The following MKLN1 variants were observed in gnomAD, a reference collection of about 807,000 sequenced individuals.
MKLN1 encodes the protein muskelin 1.
In MKLN1, 18 loss-of-function variants were observed where a neutral mutation model predicts 99.0. That is an observed-to-expected ratio of 0.18 (90% CI 0.13 to 0.27). The LOEUF (loss-of-function observed/expected upper bound fraction) is 0.27, where lower values mean the gene tolerates loss of function less well. Ranked by LOEUF, MKLN1 falls within the 10% of genes least tolerant of loss-of-function variation. The probability of loss-of-function intolerance (pLI) is 1.00; values close to 1 mark genes in which losing one functional copy is unlikely to be tolerated. For synonymous variants in MKLN1, 288 were observed against 293.2 expected (o/e 0.98, Z 0.18); for missense variants, 621 against 875.9 (o/e 0.71, Z 3.67).
Position 131,495,051 on chromosome 7 carries a change from C to G in MKLN1, c.*7323C>G, listed in dbSNP as rs1797521354. ...AGTACAGGAAAGCGAAGATGAGGAC[C>G]TCCTTTTCTTGTGTTGGTCTTGGGA... On this transcript the variant is annotated 3_prime_UTR_variant, in exon 18 of 18. Transcript: ENST00000352689. The G allele has an allele frequency of 6.6e-6, 1 of 152,142 alleles. No homozygotes were observed. The highest frequency in any genetic ancestry group is 1.5e-5 in the Non-Finnish European group (1 of 68,022). 9.4% of individuals were successfully genotyped at this position (152,142 alleles called of 1,614,324 possible). A position where few individuals can be genotyped will look rare whatever the true frequency, so the allele number is the denominator to read the frequency against.
chr7:131,403,800 CT>C (rs1268846942), intron 6 of MKLN1, among the ~76,000 whole-genome samples: 2 of 152,178 alleles, frequency 1.3e-5, no homozygotes, highest in East Asian at 3.9e-4. Context: ...TCAAAGATCA[CT>C]GATCATAGGT....
chr7:131,162,000 T>TAG lies in MKLN1; in HGVS notation c.-297+19059_-297+19060insAG, dbSNP rs1491177471. On this transcript the variant is annotated intron_variant, in intron 2 of 7. Coordinates refer to the MKLN1 transcript ENST00000416992. ...ATATATATATATATATATATATATA[T>TAG]GTAACAGAGTGATATACAAATATAT... is the stretch of plus-strand genomic sequence containing the variant. Among the ~76,000 whole-genome samples the TAG allele has an allele frequency of 2.0e-3, 254 of 126,948 alleles. 2 individuals carry two copies. The highest frequency in any genetic ancestry group is 0.012 in the South Asian group (48 of 4,070). 83.3% of individuals were successfully genotyped at this position (126,948 alleles called of 152,430 possible). A position where few individuals can be genotyped will look rare whatever the true frequency, so the allele number is the denominator to read the frequency against.
At chr7:131,150,008 T>C (rs1387333077) in intron 2 of MKLN1, among the ~76,000 whole-genome samples, 1 of 152,194 alleles carries the variant, frequency 6.6e-6, no homozygotes, top group African/African-American at 2.4e-5. Flanking sequence ...CTCCTTTAAG[T>C]TGGTTTCTGC....
chr7:131,252,300 G>A (rs1442301959), intron 3 of MKLN1, among the ~76,000 whole-genome samples: 2 of 151,048 alleles, frequency 1.3e-5, no homozygotes, highest in Non-Finnish European at 2.9e-5. Flanking sequence ...ATTGTTTTGG[G>A]GATCATAGTG....
intron 1 of MKLN1, among the ~76,000 whole-genome samples, chr7:131,136,812 T>C (rs1314741537): frequency 6.6e-6 from 1 of 152,216 alleles, no homozygotes; most frequent in African/African-American, 2.4e-5. Context: ...CGTCCTGGCA[T>C]GCTTAGCTCT....
rs1364449357 is a variant in MKLN1, at chr7:131,273,091, GAAGTT to G, written c.-179+70122_-179+70126del. On this transcript the variant is annotated intron_variant, in intron 3 of 7. Transcript: ENST00000416992. ...ACAAGTGAGGAGAGTGAGTCCCAGA[GAAGTT>G]AAGTACCTTTGCCAAGATCACCCAG... Among the ~76,000 whole-genome samples the G allele has an allele frequency of 2.0e-5, 3 of 152,240 alleles. No individual in the cohort carries two copies. The East Asian group carries it at 5.8e-4, about 29-fold the overall frequency.
rs75911059 is a variant in MKLN1 at position 131,240,872 on chromosome 7, G to A, written c.-179+37898G>A. The stretch of plus-strand genomic sequence containing the variant: ...ATGATTCAAAAATAGACACAGAAAT[G>A]TGTATATACCTTACAGACCTGGTGA... On this transcript the variant is annotated intron_variant, in intron 3 of 7. Transcript: ENST00000416992. Among the ~76,000 whole-genome samples, 778 of 152,312 alleles carry A rather than the reference G, an allele frequency of 5.1e-3. 7 individuals carry two copies. Among genetic ancestry groups the A allele is most frequent in the African/African-American group, 0.018 (735 of 41,582 alleles).
chr7:131,125,404 G>A (rs1484647738), intron 1 of MKLN1, among the ~76,000 whole-genome samples: 1 of 152,176 alleles, frequency 6.6e-6, no homozygotes, highest in East Asian at 1.9e-4. Context: ...GCCAAAGAAG[G>A]CAATTCTGCA....
At chr7:131,366,086 A>T (rs1366037797) in intron 1 of MKLN1, among the ~76,000 whole-genome samples, 3 of 152,204 alleles carry the variant, frequency 2.0e-5, no homozygotes, top group Non-Finnish European at 4.4e-5. Context: ...CCCTGATTAC[A>T]GCTGAAAGAA....
intron 3 of MKLN1, among the ~76,000 whole-genome samples, chr7:131,265,321 C>T (rs900288589): frequency 6.6e-6 from 1 of 152,218 alleles, no homozygotes; most frequent in African/African-American, 2.4e-5. Context: ...CAAGGCCAAA[C>T]AGTATAGTCA....
chr7:131,267,594 G>A (rs1479908302), intron 3 of MKLN1, among the ~76,000 whole-genome samples: 2 of 152,188 alleles, frequency 1.3e-5, no homozygotes, highest in African/African-American at 4.8e-5. Context: ...TCTTTAGAGA[G>A]TTGACCAGTA....
rs1057385541 is a variant in MKLN1, at chr7:131,274,925, T to C, written c.-179+71951T>C. 2.0e-5 allele frequency among the ~76,000 whole-genome samples: 3 copies of C among 152,230 alleles called. No individual in the cohort carries two copies. The East Asian group carries it at 5.8e-4, about 29-fold the overall frequency. On this transcript the variant is annotated intron_variant, in intron 3 of 7. Transcript: ENST00000416992. ...CTGAGACACACAGTTGTCTTTTAAA[T>C]TATTTCCCTTCTTGGCCTCTGAGAA...
At chr7:131,418,956 T>C (rs1795107870) in intron 8 of MKLN1, among the ~76,000 whole-genome samples, 1 of 152,134 alleles carries the variant, frequency 6.6e-6, no homozygotes, top group African/African-American at 2.4e-5. Context: ...TGTGACTGGG[T>C]AATCCAGGAC....
At position 131,489,128 on chromosome 7, in the gene MKLN1, G is replaced by A. The variant is rs1406028092; in HGVS notation, c.*1400G>A. The A allele has an allele frequency of 6.6e-6, 1 of 152,036 alleles. No homozygotes were observed. Among genetic ancestry groups the A allele is most frequent in the African/African-American group, 2.4e-5 (1 of 41,420 alleles). 9.4% of individuals were successfully genotyped at this position (152,036 alleles called of 1,614,324 possible). The stretch of plus-strand genomic sequence containing the variant: ...AGTATGTCCCTGAGTAGCAAGATTA[G>A]GCCTCACCAAAGAAGAAATTAACCT... On this transcript the variant is annotated 3_prime_UTR_variant, in exon 18 of 18. Coordinates refer to ENST00000352689, the MANE Select transcript of MKLN1 (RefSeq NM_013255.5).
chr7:131,241,221 T>C (rs1364843932), intron 3 of MKLN1, among the ~76,000 whole-genome samples: 2 of 151,520 alleles, frequency 1.3e-5, no homozygotes, highest in Admixed American at 6.6e-5. Context: ...CTACTAAAAA[T>C]ACAAAAATTA....
chr7:131,156,447 C>CAAAAAAAAAAAAAAAAAA (rs143988738), intron 2 of MKLN1, among the ~76,000 whole-genome samples: 1 of 74,674 alleles, frequency 1.3e-5, no homozygotes, highest in Admixed American at 1.7e-4. Flanking sequence ...GACTCTGTCT[C>CAAAAAAAAAAAAAAAAAA]AAAAAAAAAA....
intron 3 of MKLN1, among the ~76,000 whole-genome samples, chr7:131,258,368 G>C (rs529453075): frequency 1.3e-5 from 2 of 152,240 alleles, no homozygotes; most frequent in South Asian, 4.1e-4. Flanking sequence ...GGAAGATTCT[G>C]TTGCTGGAGG....
At position 131,403,644 on chromosome 7, in the gene MKLN1, A is replaced by G. The variant is rs191395002; in HGVS notation, c.703+4211A>G. On this transcript the variant is annotated intron_variant, in intron 6 of 17. Transcript: ENST00000352689. ...GTTGAACACTTAAAGGCCGTGGTAA[A>G]GATATTAAATGGCCTAATTTCAGTA... 2.5e-3 allele frequency among the ~76,000 whole-genome samples: 380 copies of G among 152,270 alleles called. 1 individual carries two copies. Among genetic ancestry groups the G allele is most frequent in the African/African-American group, 8.2e-3 (340 of 41,550 alleles).
At chr7:131,117,560 A>T (rs1795297256) in intron 1 of MKLN1, among the ~76,000 whole-genome samples, 1 of 152,238 alleles carries the variant, frequency 6.6e-6, no homozygotes, top group African/African-American at 2.4e-5. Flanking sequence ...GATCTTCATG[A>T]TACATTACTA....
Sources: allele counts gnomAD v4.1 joint callset (sites outside exome capture counted in the v4.1 genomes callset), GRCh38; gene constraint gnomAD v4.1.1; transcripts MANE v1.5; gene names NCBI Gene and HGNC (gene_info 2026-07-23, HGNC 2026-07-21).